The following CCT7 variants were observed in gnomAD, a reference collection of about 807,000 sequenced individuals.
CCT7 encodes the protein T-complex protein 1 subunit eta.
A neutral mutation model predicts 56.6 loss-of-function variants in CCT7; 16 were observed. The ratio of observed to expected loss-of-function variants is 0.28; its 90% CI spans 0.19 to 0.43. The LOEUF (loss-of-function observed/expected upper bound fraction) is 0.43. CCT7 is among the 20% of genes least tolerant of loss of function. The pLI, the probability that CCT7 is intolerant of heterozygous loss-of-function variation, is 1.00. For synonymous variants in CCT7, 262 were observed against 254.8 expected, an observed-to-expected ratio of 1.03 and a Z score of -0.27; for missense variants, 519 against 685.6, an observed-to-expected ratio of 0.76 and a Z score of 2.71.
At chr2:73,247,356 G>A (rs1395644777) in intron 6 of CCT7, among the ~76,000 whole-genome samples, 1 of 152,154 alleles carries the variant, frequency 6.6e-6, no homozygotes, top group Non-Finnish European at 1.5e-5. Flanking sequence ...CTGGGGCATA[G>A]AAGAGGGTAG....
At chr2:73,243,742 C>G (rs1013297172) in intron 4 of CCT7, 21 of 463,134 alleles carry the variant, frequency 4.5e-5, no homozygotes, top group African/African-American at 4.0e-4. Flanking sequence ...ACCTGCAGAC[C>G]CAGAGCAAAA....
chr2:73,243,913 G>C (rs1687218910), intron 4 of CCT7, 84 bp from the exon 5 acceptor site: 1 of 1,251,764 alleles, frequency 8.0e-7, no homozygotes, highest in African/African-American at 1.5e-5. Flanking sequence ...GGAGTGAACA[G>C]ACTCAGGACT....
At chr2:73,242,900 T>A in intron 3 of CCT7, 104 bp from the exon 4 acceptor site, 2 of 1,386,422 alleles carry the variant, frequency 1.4e-6, no homozygotes, top group Non-Finnish European at 1.0e-6. Flanking sequence ...TGACATCCAT[T>A]TAAATAATAT....
chr2:73,249,203 T>C (rs375140447), intron 8 of CCT7, 24 bp downstream of exon 8: 207 of 1,575,422 alleles, frequency 1.3e-4, no homozygotes, highest in Non-Finnish European at 1.8e-4. Context: ...CACAGGCTGC[T>C]TCTCGGCCTT....
intron 1 of CCT7, among the ~76,000 whole-genome samples, chr2:73,238,449 ACT>A (rs72117248): frequency 0.094 from 14,273 of 152,098 alleles, 877 homozygotes; most frequent in African/African-American, 0.17. Context: ...GAGTGGCAAG[ACT>A]CTGTCTTTGG....
At chr2:73,239,581 T>C (rs982745535) in intron 1 of CCT7, 62 bp from the exon 2 acceptor site, 26 of 1,483,250 alleles carry the variant, frequency 1.8e-5, no homozygotes, top group Admixed American at 1.1e-4. Flanking sequence ...TTTTCCCCTT[T>C]CCCCTGCCAG....
In CCT7 at chr2:73,249,066, A is replaced by G. The variant is rs1388999563; in HGVS notation, c.859A>G (p.Lys287Glu). 5 of 1,614,176 alleles carry G rather than the reference A, an allele frequency of 3.1e-6. No homozygotes were observed. Among genetic ancestry groups the G allele is most frequent in the Non-Finnish European group, 4.2e-6 (5 of 1,180,022 alleles). ...KLEKIHHSGA[K>E]VVLSKLPIGD... is the part of the protein sequence containing the mutation. ...AGAGAAGATCCATCATTCTGGAGCCAAAGTTGTCTTGTCCAAACTCCCCAT... is the reference window on the plus strand; with the variant it reads ...AGAGAAGATCCATCATTCTGGAGCCGAAGTTGTCTTGTCCAAACTCCCCAT... Residue 287 changes from lysine to glutamate, a missense_variant, in exon 8 of 12, where the codon AAA becomes GAA. This residue lies in a region of CCT7 where 276 missense variants were observed against 357.3 expected (regional missense o/e 0.77). Coordinates refer to ENST00000258091, the MANE Select transcript of CCT7 (RefSeq NM_006429.4).
chr2:73,241,898 G>A (rs573723664), intron 3 of CCT7, among the ~76,000 whole-genome samples: 3 of 151,754 alleles, frequency 2.0e-5, no homozygotes, highest in Non-Finnish European at 2.9e-5. Context: ...CCACCACCAC[G>A]CCCGGGTAAT....
intron 6 of CCT7, among the ~76,000 whole-genome samples, chr2:73,246,038 T>A (rs1484361114): frequency 6.6e-6 from 1 of 152,224 alleles, no homozygotes; most frequent in African/African-American, 2.4e-5. Context: ...TCAGGACTAA[T>A]AATCTTACCT....
chr2:73,235,346 G>C (rs1686831602), intron 1 of CCT7, among the ~76,000 whole-genome samples: 1 of 152,170 alleles, frequency 6.6e-6, no homozygotes, highest in African/African-American at 2.4e-5. Context: ...ACTGCTTTCT[G>C]TGCACTTGGC....
chr2:73,243,222 G>A (rs1383501899), intron 4 of CCT7, 93 bp downstream of exon 4: 2 of 1,429,966 alleles, frequency 1.4e-6, no homozygotes, highest in African/African-American at 2.8e-5. Flanking sequence ...TGGAGGGACT[G>A]GGGAACAGGG....
At chr2:73,240,075 G>C (rs958363604) in intron 2 of CCT7, 3 of 375,248 alleles carry the variant, frequency 8.0e-6, no homozygotes, top group African/African-American at 2.1e-5. Context: ...CACTTCCATT[G>C]TTATCAAGAT....
intron 1 of CCT7, 151 bp downstream of exon 1, chr2:73,234,535 G>A (rs1686774186): frequency 1.0e-5 from 10 of 958,498 alleles, no homozygotes; most frequent in South Asian, 4.4e-5. Flanking sequence ...CCAGCCAGCC[G>A]CGGCCTGGCT....
rs780590848 is a variant in CCT7 at position 73,240,425 on chromosome 2, G to C, written c.161-12G>C. 5 of 1,602,850 alleles carry C rather than the reference G, an allele frequency of 3.1e-6. No homozygotes were observed. Among genetic ancestry groups the C allele is most frequent in the African/African-American group, 1.3e-5 (1 of 74,416 alleles). The stretch of plus-strand genomic sequence containing the variant: ...AGAAAGGGGCTTTAGATTTTTGTTT[G>C]TTTCTTTTAAGGCAAAGCAACAATT... On this transcript the variant is annotated splice_polypyrimidine_tract_variant and intron_variant, in intron 2 of 11. Transcript: ENST00000258091.
intron 1 of CCT7, chr2:73,239,227 G>T (rs534732623): frequency 6.3e-6 from 1 of 158,192 alleles, no homozygotes; most frequent in South Asian, 1.9e-4. Context: ...CTCTAAGATT[G>T]AGCTGTAACA....
chr2:73,248,041 A>G lies in CCT7; in HGVS notation c.783+115A>G, dbSNP rs2231429. 718 of 877,390 alleles carry G rather than the reference A, an allele frequency of 8.2e-4. 1 individual carries two copies. Among genetic ancestry groups the G allele is most frequent in the Non-Finnish European group, 1.2e-3 (685 of 565,082 alleles). 54.4% of individuals were successfully genotyped at this position (877,390 alleles called of 1,614,324 possible). ...TCTCTTCCTGCCCCCCTGAATATTG[A>G]TGTCTAAGTACTAGGCCCCCTTCTT... On this transcript the variant is annotated intron_variant, in intron 7 of 11. Transcript: ENST00000258091.
chr2:73,251,185 C>T, intron 10 of CCT7, 41 bp from the exon 11 acceptor site: 1 of 1,591,038 alleles, frequency 6.3e-7, no homozygotes, highest in South Asian at 1.1e-5. Flanking sequence ...AAGCTTGGAC[C>T]AGGGGCCCTC....
rs779302186 is a variant in CCT7, at chr2:73,252,893, C to G, written c.*32C>G. ...CCCCACCCATCACATGGCTGGCTGG[C>G]TGCTGGGTGCACTTACCCTCCTTGG... On this transcript the variant is annotated 3_prime_UTR_variant, in exon 12 of 12. Transcript: ENST00000258091. The G allele has an allele frequency of 6.5e-7, 1 of 1,548,862 alleles. No individual in the cohort carries two copies. Among genetic ancestry groups the G allele is most frequent in the Admixed American group, 1.7e-5 (1 of 58,450 alleles).
intron 7 of CCT7, 104 bp downstream of exon 7, chr2:73,248,030 C>G: frequency 3.0e-6 from 3 of 985,040 alleles, no homozygotes; most frequent in Admixed American, 2.4e-5. Flanking sequence ...TTCCTGCCCC[C>G]CTGAATATTG....
Sources: gnomAD v4.1 joint callset for allele counts (sites outside exome capture counted in the v4.1 genomes callset) on GRCh38, gnomAD v4.1.1 for gene constraint, gnomAD v4.1.1 regional missense constraint, MANE v1.5 for transcripts, NCBI Gene and HGNC (gene_info 2026-07-23, HGNC 2026-07-21) for gene names.